The following STOX2 variants were observed in gnomAD, a reference collection of about 807,000 sequenced individuals.
STOX2 encodes the protein storkhead-box protein 2.
A neutral mutation model predicts 60.9 loss-of-function variants in STOX2; 28 were observed. The ratio of observed to expected loss-of-function variants is 0.46; its 90% CI spans 0.34 to 0.63. The LOEUF is 0.63. STOX2 is among the 30% of genes least tolerant of loss of function. The probability of loss-of-function intolerance (pLI) is 0.01; values close to 1 mark genes in which losing one functional copy is unlikely to be tolerated. For missense variants in STOX2, 1,024 were observed against 1,187.7 expected, an observed-to-expected ratio of 0.86 and a Z score of 2.03; for synonymous variants, 472 against 463.9, an observed-to-expected ratio of 1.02 and a Z score of -0.22.
At chr4:183,879,354 G>A (rs1201477141) in intron 1 of STOX2, among the ~76,000 whole-genome samples, 2 of 152,154 alleles carry the variant, frequency 1.3e-5, no homozygotes, top group African/African-American at 2.4e-5. Flanking sequence ...GTGTCCTCAC[G>A]GAGCAAAAAC....
At chr4:183,920,780 T>C (rs957603208) in intron 1 of STOX2, among the ~76,000 whole-genome samples, 3 of 152,180 alleles carry the variant, frequency 2.0e-5, no homozygotes, top group African/African-American at 7.2e-5. Flanking sequence ...TGTGAGCTCC[T>C]TAGTCGTCTT....
intron 1 of STOX2, among the ~76,000 whole-genome samples, chr4:183,854,857 T>C (rs1253239670): frequency 6.6e-6 from 1 of 151,930 alleles, no homozygotes; most frequent in Non-Finnish European, 1.5e-5. Context: ...ACAGGGAATG[T>C]TTTTTTTAAC....
rs1740549870 is a variant in STOX2 at position 183,865,795 on chromosome 4, G to T, written c.364+67740G>T. 6.6e-6 allele frequency among the ~76,000 whole-genome samples: 1 copy of T among 152,220 alleles called. No homozygotes were observed. Among genetic ancestry groups the T allele is most frequent in the Non-Finnish European group, 1.5e-5 (1 of 68,044 alleles). On this transcript the variant is annotated intron_variant, in intron 1 of 2. Transcript: ENST00000513034. The surrounding 1 kb of genome is among the most constrained non-coding windows in gnomAD (Gnocchi z 4.1). ...GGCAAGAAAACCCTGGTTGTAGGTT[G>T]CATGGAGAAGTCTTGTGGAGACAAA...
intron 1 of STOX2, among the ~76,000 whole-genome samples, chr4:183,879,538 A>G (rs1740907450): frequency 6.6e-6 from 1 of 152,182 alleles, no homozygotes; most frequent in Admixed American, 6.5e-5. Context: ...AGGCTTGTGT[A>G]GCCGTAAGTT....
chr4:183,853,779 T>C (rs1740223967), intron 1 of STOX2: 1 of 152,140 alleles, frequency 6.6e-6, no homozygotes, highest in South Asian at 2.1e-4. Flanking sequence ...AGCCACAGAT[T>C]ATTACCATCT....
At chr4:183,963,209 A>G (rs539103298) in intron 1 of STOX2, among the ~76,000 whole-genome samples, 1 of 151,462 alleles carries the variant, frequency 6.6e-6, no homozygotes, top group East Asian at 1.9e-4. Flanking sequence ...GTTCTGTCAC[A>G]TGGAAATATG....
In STOX2 at chr4:183,865,402, T is replaced by A. The variant is rs1740540801; in HGVS notation, c.364+67347T>A. Among the ~76,000 whole-genome samples the A allele has an allele frequency of 6.6e-6, 1 of 152,232 alleles. No individual in the cohort carries two copies. Among genetic ancestry groups the A allele is most frequent in the Non-Finnish European group, 1.5e-5 (1 of 68,044 alleles). On this transcript the variant is annotated intron_variant, in intron 1 of 2. Transcript: ENST00000513034. This position sits in a 1 kb window ranked among gnomAD's most constrained non-coding sequence, Gnocchi z 4.1. ...CTATAGAAAAGGCATGAACAATTAC[T>A]ATAGAAACTGCCACAAACATATTAA...
intron 1 of STOX2, among the ~76,000 whole-genome samples, chr4:183,955,050 C>T (rs1223205892): frequency 6.6e-6 from 1 of 152,212 alleles, no homozygotes; most frequent in Non-Finnish European, 1.5e-5. Flanking sequence ...CTTCAGACTC[C>T]TCTAGTTGTT....
chr4:183,802,899 G>T (rs1738800488), intron 1 of STOX2, among the ~76,000 whole-genome samples: 1 of 152,178 alleles, frequency 6.6e-6, no homozygotes, highest in Non-Finnish European at 1.5e-5. Context: ...GGGGTTACAG[G>T]CGTGAGCCAC....
intron 1 of STOX2, among the ~76,000 whole-genome samples, chr4:183,810,133 G>A (rs1046121876): frequency 3.9e-5 from 6 of 152,154 alleles, no homozygotes; most frequent in East Asian, 1.9e-4. Flanking sequence ...AAATAAACCC[G>A]GATTCTCTAC....
chr4:183,819,653 G>A (rs1325404733), intron 1 of STOX2, among the ~76,000 whole-genome samples: 1 of 152,012 alleles, frequency 6.6e-6, no homozygotes, highest in African/African-American at 2.4e-5. Context: ...AAATATCATT[G>A]CTTTGATGTT....
At chr4:183,807,130 G>T (rs140409620) in intron 1 of STOX2, among the ~76,000 whole-genome samples, 7 of 151,962 alleles carry the variant, frequency 4.6e-5, no homozygotes, top group Admixed American at 3.9e-4. Context: ...CCACCACCAC[G>T]CCCAGCTAAT....
chr4:183,950,989 G>C (rs1376439833), intron 1 of STOX2, among the ~76,000 whole-genome samples: 1 of 152,106 alleles, frequency 6.6e-6, no homozygotes, highest in African/African-American at 2.4e-5. Flanking sequence ...GCCGAGGCGG[G>C]CGGATCACGA....
intron 1 of STOX2, among the ~76,000 whole-genome samples, chr4:183,824,023 T>A (rs1362417021): frequency 2.0e-5 from 3 of 152,220 alleles, no homozygotes; most frequent in East Asian, 3.8e-4. Context: ...GCTACTGAAC[T>A]TTCTGTGAGA....
chr4:183,800,536 T>C (rs1243061281), intron 1 of STOX2, among the ~76,000 whole-genome samples: 1 of 152,202 alleles, frequency 6.6e-6, no homozygotes, highest in Non-Finnish European at 1.5e-5. Flanking sequence ...TTACATTGTT[T>C]TGGGATTTTA....
At chr4:183,862,985 G>A (rs781421664) in intron 1 of STOX2, among the ~76,000 whole-genome samples, 5 of 152,120 alleles carry the variant, frequency 3.3e-5, no homozygotes, top group Admixed American at 2.0e-4. Flanking sequence ...ACCACACCAG[G>A]GAGCCCACCA....
In STOX2 at chr4:183,895,486, C is replaced by A. The variant is rs567782004; in HGVS notation, c.364+97431C>A. On this transcript the variant is annotated intron_variant, in intron 1 of 2. Transcript: ENST00000513034. ...GCATAAAATGATTATAAAGTGAAAT[C>A]TCCCCTGGCCACCCCATTTTACATT... Among the ~76,000 whole-genome samples the A allele has an allele frequency of 3.9e-5, 6 of 152,270 alleles. No individual in the cohort carries two copies. In the South Asian group the frequency reaches 1.2e-3, roughly 32 times the overall value.
chr4:183,907,182 G>T (rs563690499), intron 1 of STOX2, among the ~76,000 whole-genome samples: 2 of 152,278 alleles, frequency 1.3e-5, no homozygotes, highest in African/African-American at 2.4e-5. Flanking sequence ...AACGAGGGAG[G>T]GGGGACGAGC....
intron 1 of STOX2, among the ~76,000 whole-genome samples, chr4:183,907,772 G>A (rs961124071): frequency 1.3e-5 from 2 of 152,188 alleles, no homozygotes; most frequent in Non-Finnish European, 2.9e-5. Context: ...ATTCTTGAGG[G>A]AAATGCTGAA....
Sources: allele counts gnomAD v4.1 joint callset (sites outside exome capture counted in the v4.1 genomes callset), GRCh38; gene constraint gnomAD v4.1.1; non-coding constraint Gnocchi (gnomAD v3.1); transcripts MANE v1.5; gene names NCBI Gene and HGNC (gene_info 2026-07-23, HGNC 2026-07-21).